The following ITGA1 variants were observed in gnomAD, a reference collection of about 807,000 sequenced individuals.
ITGA1 encodes integrin alpha-1.
A neutral mutation model predicts 145.9 loss-of-function variants in ITGA1; 85 were observed. The observed-to-expected ratio is 0.58, with a 90% CI of 0.49 to 0.70. ITGA1 has a LOEUF of 0.70. Among genes scored for constraint, ITGA1 ranks in the 30% least tolerant of loss-of-function variants. The pLI is 0.00. For missense variants in ITGA1, 1,351 were observed against 1,418.7 expected (o/e 0.95, Z 0.77); for synonymous variants, 520 against 495.3 (o/e 1.05, Z -0.66).
chr5:52,801,513 C>G, intron 1 of ITGA1: 9 of 1,614,048 alleles, frequency 5.6e-6, no homozygotes, highest in Non-Finnish European at 7.6e-6. Flanking sequence ...AAGTCAAAGC[C>G]TTGGATGACT....
At chr5:52,857,232 C>T (rs11750248) in intron 2 of ITGA1, among the ~76,000 whole-genome samples, 11,069 of 152,214 alleles carry the variant, frequency 0.073, 421 homozygotes, top group South Asian at 0.14. Flanking sequence ...CCCTTGCAAA[C>T]TGCTCAATAC....
chr5:52,892,628 C>T (rs1309446022), intron 8 of ITGA1, among the ~76,000 whole-genome samples: 1 of 152,148 alleles, frequency 6.6e-6, no homozygotes, highest in African/African-American at 2.4e-5. Context: ...AATTGTGGTG[C>T]ATCCATACAA....
intron 11 of ITGA1, chr5:52,901,834 T>G (rs1038095416): frequency 6.6e-6 from 1 of 152,202 alleles, no homozygotes; most frequent in African/African-American, 2.4e-5. Context: ...TTGGGTATGT[T>G]TTCTACAGTG....
At chr5:52,834,793 C>G (rs1457172056) in intron 1 of ITGA1, among the ~76,000 whole-genome samples, 1 of 151,946 alleles carries the variant, frequency 6.6e-6, no homozygotes, top group Admixed American at 6.6e-5. Flanking sequence ...ATTAGGGCCC[C>G]AGTGGTTGTG....
intron 6 of ITGA1, among the ~76,000 whole-genome samples, chr5:52,874,893 T>TA (rs779347588): frequency 2.0e-5 from 3 of 152,216 alleles, no homozygotes; most frequent in African/African-American, 4.8e-5. Flanking sequence ...AAGTAAGTCT[T>TA]ACTGTTGTAG....
intron 11 of ITGA1, among the ~76,000 whole-genome samples, chr5:52,901,019 G>T (rs1750305990): frequency 6.6e-6 from 1 of 152,098 alleles, no homozygotes. Context: ...CCCATACTTT[G>T]CATGGCAAAA....
intron 1 of ITGA1, among the ~76,000 whole-genome samples, chr5:52,807,531 C>T (rs1264634149): frequency 1.3e-5 from 2 of 152,050 alleles, no homozygotes; most frequent in African/African-American, 2.4e-5. Context: ...TTCTTCTCAG[C>T]TTTCAGTTTG....
In ITGA1 at chr5:52,937,516, T is replaced by C. The variant is rs1367733432; in HGVS notation, c.3078+2T>C. 2 of 1,556,174 alleles carry C rather than the reference T, an allele frequency of 1.3e-6. No homozygotes were observed. Among genetic ancestry groups the C allele is most frequent in the East Asian group, 2.2e-5 (1 of 44,566 alleles). ...CCAACTGGATTGTCATCTTCTGAGG[T>C]AAGTCATGTGTGCCTTGGAATTATG... On this transcript the variant is annotated splice_donor_variant, in intron 24 of 28. Transcript: ENST00000282588. LOFTEE classifies it high-confidence loss of function.
At chr5:52,949,466 T>C (rs1028598819) in intron 28 of ITGA1, among the ~76,000 whole-genome samples, 16 of 152,188 alleles carry the variant, frequency 1.1e-4, no homozygotes, top group Admixed American at 3.9e-4. Context: ...CCAAGTATTT[T>C]AACTACATTT....
intron 1 of ITGA1, chr5:52,803,325 TGA>T (rs1748526038): frequency 1.3e-5 from 1 of 79,354 alleles, no homozygotes; most frequent in Non-Finnish European, 3.5e-5. Context: ...TATAATTCCG[TGA>T]GTATCTTTAA....
chr5:52,865,195 A>G, intron 5 of ITGA1, 113 bp downstream of exon 5: 1 of 717,886 alleles, frequency 1.4e-6, no homozygotes, highest in Non-Finnish European at 2.2e-6. Flanking sequence ...AGCTACCAGC[A>G]TTACCAATTT....
At chr5:52,801,860 A>C (rs777908967) in intron 1 of ITGA1, 2 of 1,537,456 alleles carry the variant, frequency 1.3e-6, no homozygotes, top group Admixed American at 1.8e-5. Context: ...CTTAAAATTG[A>C]GACAATCTTG....
At position 52,883,614 on chromosome 5, in the gene ITGA1, T is replaced by C. The variant is rs116603564; in HGVS notation, c.773+1593T>C. Among the ~76,000 whole-genome samples the C allele has an allele frequency of 8.4e-3, 1,280 of 152,286 alleles. 15 individuals are homozygous for C. Among genetic ancestry groups the C allele is most frequent in the African/African-American group, 0.03 (1,247 of 41,552 alleles). ...ATTCTTTACCTTCATTTTCAGTAAA[T>C]CCCAGTTCAAAGTTTTGTGTGTGTG... On this transcript the variant is annotated intron_variant, in intron 7 of 28. Transcript: ENST00000282588.
chr5:52,801,423 C>T (rs1490441743), intron 1 of ITGA1: 3 of 1,612,000 alleles, frequency 1.9e-6, no homozygotes, highest in Non-Finnish European at 2.5e-6. Flanking sequence ...ATGCCTCCTC[C>T]GGACACAAGT....
chr5:52,828,068 A>G (rs1483996714), intron 1 of ITGA1, among the ~76,000 whole-genome samples: 1 of 152,182 alleles, frequency 6.6e-6, no homozygotes, highest in Non-Finnish European at 1.5e-5. Flanking sequence ...CATTTGAGTC[A>G]TTTCCACCTT....
In ITGA1 at chr5:52,862,068, T is replaced by C. The variant is rs1440168837; in HGVS notation, c.295+509T>C. 3.3e-5 allele frequency among the ~76,000 whole-genome samples: 5 copies of C among 151,402 alleles called. No individual in the cohort carries two copies. The East Asian group carries it at 7.8e-4, about 24-fold the overall frequency. On this transcript the variant is annotated intron_variant, in intron 3 of 28. Coordinates refer to ENST00000282588, the MANE Select transcript of ITGA1 (RefSeq NM_181501.2). The stretch of plus-strand genomic sequence containing the variant: ...CCCTGCCTCTACTAAAAATACAAAA[T>C]TAAGCTGGGCATAGTGGTACATGCC...
In ITGA1 at chr5:52,787,953, G is replaced by C. The variant is rs1404851964; in HGVS notation, c.-401G>C. 5.8e-6 allele frequency: 1 copy of C among 172,542 alleles called. No homozygotes were observed. Among genetic ancestry groups the C allele is most frequent in the Non-Finnish European group, 1.2e-5 (1 of 81,826 alleles). The allele number at this position is 172,542 out of a possible 1,614,324, so 10.7% of individuals were successfully genotyped here. A position where few individuals can be genotyped will look rare whatever the true frequency, so the allele number is the denominator to read the frequency against. ...ACCACCTTAGGGGATTTGGCCCGGA[G>C]AACGAGATCACCCTCTCAATGAAAG... On this transcript the variant is annotated 5_prime_UTR_variant, in exon 1 of 29. Transcript: ENST00000282588.
chr5:52,857,741 C>A (rs1446177551), intron 2 of ITGA1, among the ~76,000 whole-genome samples: 1 of 152,134 alleles, frequency 6.6e-6, no homozygotes, highest in Admixed American at 6.5e-5. Context: ...CACTATATTT[C>A]GAGGTGGTAA....
At chr5:52,794,288 TTATA>T (rs77663445) in intron 1 of ITGA1, among the ~76,000 whole-genome samples, 39,605 of 151,690 alleles carry the variant, frequency 0.26, 5,462 homozygotes, top group Non-Finnish European at 0.3. Flanking sequence ...TTAAGATGGT[TTATA>T]TATTTTGTTA....
Sources: allele counts gnomAD v4.1 joint callset (sites outside exome capture counted in the v4.1 genomes callset), GRCh38; gene constraint gnomAD v4.1.1; transcripts MANE v1.5; gene names NCBI Gene and HGNC (gene_info 2026-07-23, HGNC 2026-07-21).